Variants in RGS7BP observed in about 807,000 individuals in gnomAD.
RGS7BP encodes the protein regulator of G protein signaling 7-binding protein.
In RGS7BP, 9 loss-of-function variants were observed where a neutral mutation model predicts 31.3. That is an observed-to-expected ratio of 0.29 (90% CI 0.17 to 0.50). The LOEUF is 0.50. Among genes scored for constraint, RGS7BP ranks in the 20% least tolerant of loss-of-function variants. The pLI, the probability that RGS7BP is intolerant of heterozygous loss-of-function variation, is 0.98. For missense variants in RGS7BP, 274 were observed against 322.0 expected (o/e 0.85, Z 1.14); for synonymous variants, 115 against 120.1 (o/e 0.96, Z 0.28).
intron 2 of RGS7BP, among the ~76,000 whole-genome samples, chr5:64,566,403 G>A (rs1742170046): frequency 1.3e-5 from 2 of 152,110 alleles, no homozygotes; most frequent in African/African-American, 4.8e-5. Flanking sequence ...AGAGAATTCA[G>A]GGCAGGCTGC....
chr5:64,510,214 T>C (rs547767402), intron 2 of RGS7BP, among the ~76,000 whole-genome samples: 114 of 152,298 alleles, frequency 7.5e-4, no homozygotes, highest in African/African-American at 2.6e-3. Context: ...GAGGGATTAT[T>C]ATTCTTATTC....
intron 3 of RGS7BP, among the ~76,000 whole-genome samples, chr5:64,577,666 C>T (rs529806132): frequency 2.9e-4 from 44 of 152,260 alleles, no homozygotes; most frequent in African/African-American, 1.0e-3. Context: ...AATGCCTGAT[C>T]AGGAAATTGA....
chr5:64,555,858 TA>T (rs1181524800), intron 2 of RGS7BP, among the ~76,000 whole-genome samples: 7 of 152,306 alleles, frequency 4.6e-5, no homozygotes, highest in Non-Finnish European at 4.4e-5. Flanking sequence ...CATTGAAGTT[TA>T]AATTTACATA....
intron 3 of RGS7BP, among the ~76,000 whole-genome samples, chr5:64,583,113 C>T (rs188299536): frequency 6.6e-6 from 1 of 152,106 alleles, no homozygotes; most frequent in African/African-American, 2.4e-5. Context: ...GTAGGCCAGG[C>T]GCAGTGGCTC....
intron 2 of RGS7BP, among the ~76,000 whole-genome samples, chr5:64,532,241 C>A (rs1749388639): frequency 6.6e-6 from 1 of 151,840 alleles, no homozygotes. Flanking sequence ...TTGATGTTAT[C>A]ATTGCTTAAA....
At chr5:64,559,060 C>T (rs1364690604) in intron 2 of RGS7BP, among the ~76,000 whole-genome samples, 1 of 152,150 alleles carries the variant, frequency 6.6e-6, no homozygotes, top group African/African-American at 2.4e-5. Context: ...TTGCCCTGAC[C>T]TTCTGCCTTG....
chr5:64,544,670 T>C (rs1741607598), intron 2 of RGS7BP, among the ~76,000 whole-genome samples: 1 of 150,512 alleles, frequency 6.6e-6, no homozygotes, highest in Admixed American at 6.6e-5. Context: ...CGAGACCCTG[T>C]CTCTTAAGAA....
intron 2 of RGS7BP, among the ~76,000 whole-genome samples, chr5:64,514,412 G>T (rs1177410332): frequency 1.3e-5 from 2 of 152,080 alleles, no homozygotes; most frequent in African/African-American, 4.8e-5. Flanking sequence ...GGGTTGTTTT[G>T]CCCCAACTAG....
intron 2 of RGS7BP, among the ~76,000 whole-genome samples, chr5:64,526,638 T>A (rs370485928): frequency 3.4e-4 from 52 of 152,286 alleles, no homozygotes; most frequent in Middle Eastern, 3.4e-3. Flanking sequence ...GTCCGACTGA[T>A]ACCTCTGTAG....
At chr5:64,598,321 G>A in intron 4 of RGS7BP, 44 bp from the exon 5 acceptor site, 1 of 1,158,354 alleles carries the variant, frequency 8.6e-7, no homozygotes, top group East Asian at 2.3e-5. Context: ...ATTTCATTTT[G>A]AAAATTTACA....
At chr5:64,562,418 T>A (rs983744417) in intron 2 of RGS7BP, among the ~76,000 whole-genome samples, 1 of 152,138 alleles carries the variant, frequency 6.6e-6, no homozygotes, top group Non-Finnish European at 1.5e-5. Flanking sequence ...CTATGAAGTG[T>A]TATTATACTG....
At chr5:64,514,991 G>T (rs1748937008) in intron 2 of RGS7BP, among the ~76,000 whole-genome samples, 1 of 152,176 alleles carries the variant, frequency 6.6e-6, no homozygotes, top group African/African-American at 2.4e-5. Flanking sequence ...CTTAATAGAT[G>T]TTCCAATTAG....
chr5:64,598,574 A>G (rs1037586050), intron 5 of RGS7BP, 139 bp downstream of exon 5: 5 of 689,086 alleles, frequency 7.3e-6, no homozygotes, highest in East Asian at 2.5e-5. Context: ...CCTCAAGAAG[A>G]TATCAAAATG....
intron 3 of RGS7BP, among the ~76,000 whole-genome samples, chr5:64,588,691 T>C (rs1173582492): frequency 6.6e-6 from 1 of 152,156 alleles, no homozygotes; most frequent in African/African-American, 2.4e-5. Context: ...TCTCAAACTT[T>C]TCACAGTTCT....
rs1743481499 is a variant in RGS7BP at position 64,610,725 on chromosome 5, G to T, written c.*1473G>T. The T allele has an allele frequency of 6.6e-6, 1 of 151,908 alleles. No individual in the cohort carries two copies. The highest frequency in any genetic ancestry group is 2.1e-4 in the South Asian group (1 of 4,828). The allele number at this position is 151,908 out of a possible 1,614,324, so 9.4% of individuals were successfully genotyped here. On this transcript the variant is annotated 3_prime_UTR_variant, in exon 6 of 6. Coordinates refer to ENST00000334025, the MANE Select transcript of RGS7BP (RefSeq NM_001029875.3). The stretch of plus-strand genomic sequence containing the variant: ...AAGATGAACTACTGTAATAATTATT[G>T]TATTAGGTTGAATTATATGAAATTT...
intron 3 of RGS7BP, among the ~76,000 whole-genome samples, chr5:64,579,036 A>G (rs10939994): frequency 0.26 from 39,683 of 152,010 alleles, 6,191 homozygotes; most frequent in South Asian, 0.37. Flanking sequence ...GCAAACCATA[A>G]TTCTTTACTC....
chr5:64,577,432 T>C (rs1333893015), intron 3 of RGS7BP, among the ~76,000 whole-genome samples: 1 of 151,574 alleles, frequency 6.6e-6, no homozygotes, highest in Non-Finnish European at 1.5e-5. Flanking sequence ...ACAGTGAGAC[T>C]CCATCTCGAA....
At chr5:64,576,501 C>T (rs527447836) in intron 3 of RGS7BP, among the ~76,000 whole-genome samples, 17 of 152,352 alleles carry the variant, frequency 1.1e-4, no homozygotes, top group African/African-American at 4.1e-4. Flanking sequence ...CTCGAGCTGG[C>T]TTCCCTCACA....
intron 2 of RGS7BP, among the ~76,000 whole-genome samples, chr5:64,510,222 T>C (rs937279896): frequency 7.9e-5 from 12 of 152,200 alleles, no homozygotes; most frequent in South Asian, 6.2e-4. Flanking sequence ...ATTATTCTTA[T>C]TCTACAAATA....
Sources: allele counts gnomAD v4.1 joint callset (sites outside exome capture counted in the v4.1 genomes callset), GRCh38; gene constraint gnomAD v4.1.1; transcripts MANE v1.5; gene names NCBI Gene and HGNC (gene_info 2026-07-23, HGNC 2026-07-21).